The following EIF2B3 variants were observed in gnomAD, a reference collection of about 807,000 sequenced individuals.
The protein encoded by EIF2B3 is eukaryotic translation initiation factor 2B subunit gamma, also known as translation initiation factor eIF2B subunit gamma.
EIF2B3 carries 20 observed loss-of-function variants against 54.1 expected under a neutral mutation model. That is an observed-to-expected ratio of 0.37 (90% CI 0.26 to 0.54). EIF2B3 has a LOEUF of 0.54. Among genes scored for constraint, EIF2B3 ranks in the 20% least tolerant of loss-of-function variants. The pLI, the probability that EIF2B3 is intolerant of heterozygous loss-of-function variation, is 0.86. For synonymous variants in EIF2B3, 153 were observed against 188.1 expected (o/e 0.81, Z 1.52); for missense variants, 448 against 547.8 (o/e 0.82, Z 1.82).
At chr1:44,876,395 C>T (rs1317393433) in intron 8 of EIF2B3, among the ~76,000 whole-genome samples, 1 of 143,732 alleles carries the variant, frequency 7.0e-6, no homozygotes, top group Non-Finnish European at 1.5e-5. Flanking sequence ...TGCCTGGCCG[C>T]GACCCTGTCT....
At chr1:44,964,765 G>C (rs942141560) in intron 3 of EIF2B3, among the ~76,000 whole-genome samples, 1 of 152,162 alleles carries the variant, frequency 6.6e-6, no homozygotes, top group Non-Finnish European at 1.5e-5. Context: ...TTCCTGTCTA[G>C]ATTAAATAGA....
At chr1:44,939,324 A>G (rs1266457883) in intron 4 of EIF2B3, among the ~76,000 whole-genome samples, 1 of 152,138 alleles carries the variant, frequency 6.6e-6, no homozygotes, top group African/African-American at 2.4e-5. Flanking sequence ...ACCAGTATAC[A>G]TCATACTTTT....
chr1:44,944,381 G>T (rs1219075764), intron 3 of EIF2B3, among the ~76,000 whole-genome samples: 1 of 152,056 alleles, frequency 6.6e-6, no homozygotes, highest in Non-Finnish European at 1.5e-5. Flanking sequence ...TGTAATCCCA[G>T]TGCTTTGGGA....
Position 44,881,817 on chromosome 1 carries a change from G to C in EIF2B3, c.657-78C>G. 1 of 1,582,008 alleles carries C rather than the reference G, an allele frequency of 6.3e-7. No homozygotes were observed. On this transcript the variant is annotated intron_variant, in intron 6 of 11. Transcript: ENST00000360403. The surrounding 1 kb of genome is among the most constrained non-coding windows in gnomAD (Gnocchi z 4.0). ...CGGATCAAAAGCTCTGTGCATACAA[G>C]GAAAAGCCAAATCCTTTCCTGTCAT...
chr1:44,925,397 C>G (rs1174756999), intron 5 of EIF2B3: 2 of 152,414 alleles, frequency 1.3e-5, no homozygotes, highest in African/African-American at 4.8e-5. Flanking sequence ...ATGGACAAAC[C>G]TTGAGGACAT....
Position 44,961,309 on chromosome 1 carries a change from CCT to C in EIF2B3, c.294+17004_294+17005del, listed in dbSNP as rs1227076758. Among the ~76,000 whole-genome samples, 222 of 139,270 alleles carry C rather than the reference CCT, an allele frequency of 1.6e-3. 1 individual carries two copies. Among genetic ancestry groups the C allele is most frequent in the African/African-American group, 5.7e-3 (210 of 37,156 alleles). 91.4% of individuals were successfully genotyped at this position (139,270 alleles called of 152,430 possible). A position where few individuals can be genotyped will look rare whatever the true frequency, so the allele number is the denominator to read the frequency against. ...TCCAACCTGGGCAACAGAGTGAGAC[CCT>C]GTCTCAAAAAAAAAAAAAAAAAAAA... is the stretch of plus-strand genomic sequence containing the variant. On this transcript the variant is annotated intron_variant, in intron 3 of 11. Coordinates refer to ENST00000360403, the MANE Select transcript of EIF2B3 (RefSeq NM_020365.5).
Position 44,886,701 on chromosome 1 carries a change from G to A in EIF2B3, c.657-4962C>T, listed in dbSNP as rs146815614. 2.6e-3 allele frequency among the ~76,000 whole-genome samples: 391 copies of A among 152,320 alleles called. 5 individuals carry two copies. The highest frequency in any genetic ancestry group is 7.2e-4 in the Non-Finnish European group (49 of 68,020). ...TCATACACTGCTGAGTGTTCAAACC[G>A]TGTTCAAATAAGGCAAATGCCGAGC... is the stretch of plus-strand genomic sequence containing the variant. On this transcript the variant is annotated intron_variant, in intron 6 of 11. Transcript: ENST00000360403.
At chr1:44,945,953 G>A (rs1644097320) in intron 3 of EIF2B3, among the ~76,000 whole-genome samples, 1 of 152,186 alleles carries the variant, frequency 6.6e-6, no homozygotes, top group African/African-American at 2.4e-5. Flanking sequence ...AGATGCCTCA[G>A]AAGTGGTAAC....
intron 6 of EIF2B3, among the ~76,000 whole-genome samples, chr1:44,882,933 T>C (rs894811847): frequency 1.6e-4 from 23 of 142,952 alleles, no homozygotes; most frequent in South Asian, 4.7e-4. Flanking sequence ...TTTTTCTTTT[T>C]TTTTTTTTTT....
chr1:44,960,298 T>G (rs1292704828), intron 3 of EIF2B3, among the ~76,000 whole-genome samples: 1 of 152,042 alleles, frequency 6.6e-6, no homozygotes, highest in East Asian at 1.9e-4. Flanking sequence ...AAAATAAAAA[T>G]AATAATATAA....
At chr1:44,963,232 A>C (rs1644303543) in intron 3 of EIF2B3, among the ~76,000 whole-genome samples, 1 of 148,842 alleles carries the variant, frequency 6.7e-6, no homozygotes, top group Non-Finnish European at 1.5e-5. Flanking sequence ...AAACAAAAAC[A>C]AAAAAAACAA....
At chr1:44,908,440 T>C (rs1162942974) in intron 5 of EIF2B3, among the ~76,000 whole-genome samples, 2 of 152,194 alleles carry the variant, frequency 1.3e-5, no homozygotes, top group Non-Finnish European at 2.9e-5. Flanking sequence ...GAAAAATAAG[T>C]TCTTAGCCAG....
intron 3 of EIF2B3, chr1:44,958,829 A>G: frequency 9.6e-7 from 1 of 1,044,116 alleles, no homozygotes; most frequent in Non-Finnish European, 1.5e-6. Context: ...TTAGCTCCTG[A>G]GCAGTGGGCT....
chr1:44,861,884 G>C (rs906566855), intron 10 of EIF2B3, among the ~76,000 whole-genome samples: 1 of 152,114 alleles, frequency 6.6e-6, no homozygotes, highest in African/African-American at 2.4e-5. Flanking sequence ...TTGTTCCCCA[G>C]TATTATTGTG....
chr1:44,922,836 ATTTTTTT>A (rs386366852), intron 5 of EIF2B3, among the ~76,000 whole-genome samples: 5 of 56,642 alleles, frequency 8.8e-5, no homozygotes, highest in Admixed American at 2.8e-4. Flanking sequence ...TCTTTTTCAG[ATTTTTTT>A]TTTTTTTTTT....
chr1:44,852,770 ACT>A, intron 11 of EIF2B3, among the ~76,000 whole-genome samples: 1 of 140,942 alleles, frequency 7.1e-6, no homozygotes, highest in Non-Finnish European at 1.5e-5. Flanking sequence ...CAAGAGTGAA[ACT>A]CTGTCTCAAA....
At chr1:44,947,898 G>A (rs1644120294) in intron 3 of EIF2B3, among the ~76,000 whole-genome samples, 2 of 151,750 alleles carry the variant, frequency 1.3e-5, no homozygotes, top group South Asian at 4.2e-4. Flanking sequence ...TTAGACAAGG[G>A]GTCTCCCTAT....
At chr1:44,889,035 G>A (rs563742730) in intron 6 of EIF2B3, among the ~76,000 whole-genome samples, 37 of 152,320 alleles carry the variant, frequency 2.4e-4, no homozygotes, top group African/African-American at 8.7e-4. Context: ...GATGCCCTGG[G>A]TTCAATTCCT....
At chr1:44,980,299 C>A (rs1168737092) in intron 2 of EIF2B3, among the ~76,000 whole-genome samples, 1 of 152,058 alleles carries the variant, frequency 6.6e-6, no homozygotes, top group East Asian at 1.9e-4. Flanking sequence ...CCTGTCTCTA[C>A]TAAAAATACA....
Sources: allele counts gnomAD v4.1 joint callset (sites outside exome capture counted in the v4.1 genomes callset), GRCh38; gene constraint gnomAD v4.1.1; non-coding constraint Gnocchi (gnomAD v3.1); transcripts MANE v1.5; gene names NCBI Gene and HGNC (gene_info 2026-07-23, HGNC 2026-07-21).